The following AK9 variants were observed in gnomAD, a reference collection of about 807,000 sequenced individuals.
AK9 encodes the protein adenylate kinase domain containing 1.
AK9 carries 191 observed loss-of-function variants against 239.6 expected under a neutral mutation model. That is an observed-to-expected ratio of 0.80 (90% CI 0.71 to 0.90). The LOEUF (loss-of-function observed/expected upper bound fraction) is 0.90. AK9 is among the 40% of genes least tolerant of loss of function. The probability of loss-of-function intolerance (pLI) is 0.00; values close to 1 mark genes in which losing one functional copy is unlikely to be tolerated. For synonymous variants in AK9, 689 were observed against 721.0 expected, an observed-to-expected ratio of 0.96 and a Z score of 0.71; for missense variants, 1,995 against 2,214.7, an observed-to-expected ratio of 0.90 and a Z score of 1.99.
intron 25 of AK9, among the ~76,000 whole-genome samples, chr6:109,549,284 T>G (rs1392676091): frequency 2.0e-5 from 3 of 152,234 alleles, no homozygotes; most frequent in Non-Finnish European, 4.4e-5. Flanking sequence ...CCAATCAGGA[T>G]GGACTTACCC....
At position 109,495,381 on chromosome 6, in the gene AK9, G is replaced by C; in HGVS notation, c.5375C>G (p.Pro1792Arg). 1 of 1,613,690 alleles carries C rather than the reference G, an allele frequency of 6.2e-7. No homozygotes were observed. The highest frequency in any genetic ancestry group is 1.1e-5 in the South Asian group (1 of 91,030). Residue 1792 changes from proline (P) to arginine (R), a missense_variant, in exon 39 of 41, where the codon CCG becomes CGG. By Grantham distance (103) the Pro-to-Arg change is moderately radical. This residue lies in a region of AK9 where 391 missense variants were observed against 456.0 expected (regional missense o/e 0.86). Coordinates refer to ENST00000424296, the MANE Select transcript of AK9 (RefSeq NM_001145128.3). ...CAAAGGAAGACTAGTAAGAAGTATC[G>C]GTTCCCTTAATGGGGGAAGCTTGTG... is the stretch of plus-strand genomic sequence containing the variant. ...LPHKLPPLREPILLTSLPLPG... is the reference protein window; with the variant it reads ...LPHKLPPLRERILLTSLPLPG...
At chr6:109,521,202 A>G (rs1017910913) in intron 29 of AK9, among the ~76,000 whole-genome samples, 1 of 152,098 alleles carries the variant, frequency 6.6e-6, no homozygotes, top group Admixed American at 6.5e-5. Flanking sequence ...TTTTTTCTAT[A>G]GAAACCAGTT....
chr6:109,562,747 AG>A (rs991974723), intron 24 of AK9, among the ~76,000 whole-genome samples: 107 of 95,330 alleles, frequency 1.1e-3, no homozygotes, highest in Non-Finnish European at 1.9e-3. Context: ...GTGAATTGGG[AG>A]GGTTTTTTTT....
intron 29 of AK9, among the ~76,000 whole-genome samples, chr6:109,522,985 A>C (rs1582826697): frequency 6.6e-6 from 1 of 152,202 alleles, no homozygotes; most frequent in East Asian, 1.9e-4. Flanking sequence ...TTTAGAAATG[A>C]TTTACCTTTT....
rs181536933 is a variant in AK9 at position 109,506,237 on chromosome 6, G to A, written c.4849+90C>T. 15 of 1,223,006 alleles carry A rather than the reference G, an allele frequency of 1.2e-5. No individual in the cohort carries two copies. The African/African-American group carries it at 1.6e-4, about 13-fold the overall frequency. The allele number at this position is 1,223,006 out of a possible 1,614,324, so 75.8% of individuals were successfully genotyped here. Reference sequence around the variant, plus strand: ...ACTTATTAAGTCACGCCTGACTCATGTTCAAATGGAATGAATTACAGTAAC... The same window carrying A: ...ACTTATTAAGTCACGCCTGACTCATATTCAAATGGAATGAATTACAGTAAC... On this transcript the variant is annotated intron_variant, in intron 35 of 40. Transcript: ENST00000424296.
intron 8 of AK9, among the ~76,000 whole-genome samples, chr6:109,648,628 C>T (rs1343001916): frequency 2.6e-5 from 4 of 152,154 alleles, no homozygotes; most frequent in Non-Finnish European, 5.9e-5. Context: ...GAGTCCAGGA[C>T]CAGATGGATT....
intron 21 of AK9, among the ~76,000 whole-genome samples, chr6:109,572,622 G>A (rs988184952): frequency 3.9e-5 from 6 of 152,154 alleles, no homozygotes; most frequent in Admixed American, 1.3e-4. Context: ...ATGCACATAT[G>A]AGCTGTGAAA....
At chr6:109,528,432 C>CTGAA in intron 29 of AK9, 1 of 401,070 alleles carries the variant, frequency 2.5e-6, no homozygotes, top group Non-Finnish European at 5.0e-6. Context: ...TGCTGATGGA[C>CTGAA]TGAATGAATA....
intron 2 of AK9, among the ~76,000 whole-genome samples, chr6:109,674,725 A>C (rs1771450391): frequency 6.6e-6 from 1 of 152,214 alleles, no homozygotes; most frequent in Non-Finnish European, 1.5e-5. Flanking sequence ...TAAAGATAAA[A>C]GGTCGTTTTG....
At chr6:109,608,964 T>C (rs1381904437) in intron 17 of AK9, among the ~76,000 whole-genome samples, 1 of 152,198 alleles carries the variant, frequency 6.6e-6, no homozygotes, top group Non-Finnish European at 1.5e-5. Context: ...AAAATAGTTC[T>C]TCTAATCATA....
intron 27 of AK9, among the ~76,000 whole-genome samples, chr6:109,537,763 C>T (rs1782232599): frequency 6.6e-6 from 1 of 152,038 alleles, no homozygotes; most frequent in South Asian, 2.1e-4. Flanking sequence ...TTTCCCTCTA[C>T]ACACTGCTTT....
intron 1 of AK9, among the ~76,000 whole-genome samples, chr6:109,687,642 G>C (rs766958102): frequency 6.6e-6 from 1 of 152,100 alleles, no homozygotes; most frequent in Non-Finnish European, 1.5e-5. Flanking sequence ...CCAACAATGT[G>C]AATCAGCTTG....
At chr6:109,516,314 A>G in intron 30 of AK9, 116 bp downstream of exon 30, 1 of 973,256 alleles carries the variant, frequency 1.0e-6, no homozygotes, top group Non-Finnish European at 1.5e-6. Context: ...AAAAGGAAAT[A>G]CAGCCCTAAA....
chr6:109,687,223 CATCA>C (rs2128366434), intron 1 of AK9, among the ~76,000 whole-genome samples: 2 of 152,204 alleles, frequency 1.3e-5, no homozygotes, highest in South Asian at 4.1e-4. Flanking sequence ...GGATTGGTTT[CATCA>C]AGGGCCTAGA....
chr6:109,678,028 C>G (rs1162151666), intron 1 of AK9, among the ~76,000 whole-genome samples: 1 of 152,124 alleles, frequency 6.6e-6, no homozygotes, highest in Non-Finnish European at 1.5e-5. Context: ...ACTAAACATG[C>G]AACTACATAT....
intron 13 of AK9, among the ~76,000 whole-genome samples, chr6:109,616,962 A>T (rs1794256815): frequency 1.3e-5 from 2 of 152,214 alleles, no homozygotes; most frequent in Admixed American, 1.3e-4. Context: ...TAAACTAGAT[A>T]GTTATAAATA....
chr6:109,601,026 AG>A (rs1347207969), intron 17 of AK9, among the ~76,000 whole-genome samples: 9 of 152,206 alleles, frequency 5.9e-5, no homozygotes, highest in African/African-American at 2.2e-4. Context: ...TCAAAAAACC[AG>A]CTCCTGGATT....
In AK9 at chr6:109,520,028, A is replaced by G. The variant is rs113291187; in HGVS notation, c.3634-3386T>C. Among the ~76,000 whole-genome samples, 952 of 152,262 alleles carry G rather than the reference A, an allele frequency of 6.3e-3. 16 individuals carry two copies. Among genetic ancestry groups the G allele is most frequent in the African/African-American group, 0.022 (905 of 41,552 alleles). ...CCTTTGTCAGATGCATAGTTTGTGA[A>G]TATTTTCTCCTATTCTTTAGGTTGC... On this transcript the variant is annotated intron_variant, in intron 29 of 40. Coordinates refer to ENST00000424296, the MANE Select transcript of AK9 (RefSeq NM_001145128.3).
intron 5 of AK9, among the ~76,000 whole-genome samples, chr6:109,669,378 A>AT (rs1196635875): frequency 6.6e-6 from 1 of 151,852 alleles, no homozygotes; most frequent in Non-Finnish European, 1.5e-5. Context: ...AATACCCTTT[A>AT]TTTCTTTCTC....
Sources: allele counts gnomAD v4.1 joint callset (sites outside exome capture counted in the v4.1 genomes callset), GRCh38; gene constraint gnomAD v4.1.1; regional missense constraint gnomAD v4.1.1; transcripts MANE v1.5; gene names NCBI Gene and HGNC (gene_info 2026-07-23, HGNC 2026-07-21).